Variants in OPCML observed in about 807,000 individuals in gnomAD.
OPCML encodes opioid binding protein/cell adhesion molecule like.
OPCML carries 13 observed loss-of-function variants against 37.8 expected under a neutral mutation model. That is an observed-to-expected ratio of 0.34 (90% CI 0.22 to 0.55). The LOEUF (loss-of-function observed/expected upper bound fraction) is 0.55, where lower values mean the gene tolerates loss of function less well. OPCML is among the 20% of genes least tolerant of loss of function. The pLI, the probability that OPCML is intolerant of heterozygous loss-of-function variation, is 0.91. For synonymous variants in OPCML, 176 were observed against 168.8 expected (o/e 1.04, Z -0.33); for missense variants, 341 against 435.6 (o/e 0.78, Z 1.93).
Position 133,448,455 on chromosome 11 carries a change from GTT to G in OPCML, c.61+83807_61+83808del, listed in dbSNP as rs1946515143. On this transcript the variant is annotated intron_variant, in intron 1 of 7. Transcript: ENST00000524381. ...ATTTATTCCTGTAGAAATGTCTAGT[GTT>G]TTTTGTTTTTTTGTTTTTGAGACAG... 5.9e-5 allele frequency among the ~76,000 whole-genome samples: 9 copies of G among 151,950 alleles called. No individual in the cohort carries two copies. In the South Asian group the frequency reaches 1.9e-3, roughly 32 times the overall value.
chr11:133,502,893 C>T (rs1947946978), intron 1 of OPCML, among the ~76,000 whole-genome samples: 1 of 152,202 alleles, frequency 6.6e-6, no homozygotes, highest in Admixed American at 6.5e-5. Flanking sequence ...GCCAGCCATC[C>T]TGGTTTTCCT....
At chr11:132,708,961 G>A (rs929854395) in intron 2 of OPCML, among the ~76,000 whole-genome samples, 21 of 152,122 alleles carry the variant, frequency 1.4e-4, no homozygotes, top group African/African-American at 5.1e-4. Context: ...CTTGTCTCAA[G>A]TTTTTTATTT....
chr11:132,838,852 C>A (rs7119787), intron 2 of OPCML, among the ~76,000 whole-genome samples: 1 of 152,026 alleles, frequency 6.6e-6, no homozygotes. Flanking sequence ...CAGGAGATGA[C>A]TCAGCACCAG....
At chr11:133,390,190 G>A (rs1945137367) in intron 1 of OPCML, among the ~76,000 whole-genome samples, 1 of 152,208 alleles carries the variant, frequency 6.6e-6, no homozygotes, top group Non-Finnish European at 1.5e-5. Context: ...CGAACGCGGT[G>A]GCTCACGCCT....
intron 1 of OPCML, among the ~76,000 whole-genome samples, chr11:133,114,516 T>C (rs1024671338): frequency 2.0e-5 from 3 of 152,192 alleles, no homozygotes; most frequent in Non-Finnish European, 4.4e-5. Flanking sequence ...TCTAATTGTG[T>C]GTCCTGAACC....
chr11:133,004,677 G>C (rs546175519), intron 1 of OPCML: 2 of 985,408 alleles, frequency 2.0e-6, no homozygotes, highest in Admixed American at 6.1e-5. Flanking sequence ...CCATGCCCTC[G>C]CTCTCCTTCA....
At chr11:132,598,251 T>C (rs1026051478) in intron 3 of OPCML, among the ~76,000 whole-genome samples, 1 of 152,338 alleles carries the variant, frequency 6.6e-6, no homozygotes, top group South Asian at 2.1e-4. Flanking sequence ...TATTGCCTTT[T>C]ATTGCTATTT....
intron 2 of OPCML, among the ~76,000 whole-genome samples, chr11:132,733,603 G>C (rs915449737): frequency 1.6e-4 from 24 of 152,324 alleles, no homozygotes; most frequent in East Asian, 1.5e-3. Context: ...GCTGGAGCTA[G>C]AGACCACACA....
intron 2 of OPCML, among the ~76,000 whole-genome samples, chr11:132,762,151 G>A (rs186226990): frequency 3.9e-5 from 6 of 152,340 alleles, no homozygotes; most frequent in Non-Finnish European, 8.8e-5. Flanking sequence ...CTGCAGAACA[G>A]CGAAGATTGC....
intron 2 of OPCML, among the ~76,000 whole-genome samples, chr11:132,764,953 G>A (rs777209528): frequency 3.9e-5 from 6 of 152,224 alleles, no homozygotes; most frequent in Non-Finnish European, 5.9e-5. Context: ...AGAGCCTCAC[G>A]CCTGCCTCTG....
intron 1 of OPCML, among the ~76,000 whole-genome samples, chr11:133,437,481 A>T (rs1410409033): frequency 1.3e-5 from 2 of 152,108 alleles, no homozygotes; most frequent in African/African-American, 4.8e-5. Context: ...ACAGAAGACA[A>T]TTAGGGTCTG....
intron 1 of OPCML, chr11:133,006,844 C>A (rs1454790597): frequency 1.0e-6 from 1 of 985,330 alleles, no homozygotes; most frequent in Admixed American, 6.1e-5. Flanking sequence ...GCATGAAGTG[C>A]TGGCCAGGAA....
At chr11:132,714,836 T>C (rs112377163) in intron 2 of OPCML, among the ~76,000 whole-genome samples, 1,820 of 152,208 alleles carry the variant, frequency 0.012, 43 homozygotes, top group African/African-American at 0.042. Flanking sequence ...TCAGACACAG[T>C]TATATTTTAT....
chr11:132,708,906 A>G (rs1165945277), intron 2 of OPCML, among the ~76,000 whole-genome samples: 1 of 152,230 alleles, frequency 6.6e-6, no homozygotes, highest in Non-Finnish European at 1.5e-5. Flanking sequence ...AAGAATGCTC[A>G]TTTCATACTG....
At chr11:132,689,120 C>G (rs1001229425) in intron 2 of OPCML, among the ~76,000 whole-genome samples, 1 of 152,102 alleles carries the variant, frequency 6.6e-6, no homozygotes, top group African/African-American at 2.4e-5. Flanking sequence ...CTGTTTCAGT[C>G]TGTGAGGCAG....
chr11:132,981,151 G>A (rs1209721951), intron 1 of OPCML, among the ~76,000 whole-genome samples: 1 of 152,218 alleles, frequency 6.6e-6, no homozygotes, highest in African/African-American at 2.4e-5. Flanking sequence ...GCAGTGCATG[G>A]TTGTATTGGG....
At chr11:133,104,524 G>A (rs772712066) in intron 1 of OPCML, among the ~76,000 whole-genome samples, 2 of 152,232 alleles carry the variant, frequency 1.3e-5, no homozygotes, top group African/African-American at 4.8e-5. Context: ...TTGGCATTCT[G>A]CCTGTCTATG....
intron 2 of OPCML, among the ~76,000 whole-genome samples, chr11:132,938,209 C>T (rs1172888079): frequency 1.3e-5 from 2 of 152,052 alleles, no homozygotes; most frequent in Non-Finnish European, 2.9e-5. Context: ...GTATCCACCA[C>T]AGTATCTATA....
At chr11:132,710,151 A>G (rs376353749) in intron 2 of OPCML, among the ~76,000 whole-genome samples, 1 of 152,332 alleles carries the variant, frequency 6.6e-6, no homozygotes, top group East Asian at 1.9e-4. Flanking sequence ...GGCCACAAAT[A>G]TTTCAGCTGA....
Sources: gnomAD v4.1 joint callset for allele counts (sites outside exome capture counted in the v4.1 genomes callset) on GRCh38, gnomAD v4.1.1 for gene constraint, MANE v1.5 for transcripts, NCBI Gene and HGNC (gene_info 2026-07-23, HGNC 2026-07-21) for gene names.